ZMYM4: variants seen among roughly 807,000 people sequenced by gnomAD.
ZMYM4 encodes the protein zinc finger MYM-type containing 4, also known as zinc finger MYM-type protein 4.
Under a neutral mutation model 183.2 loss-of-function variants are expected in ZMYM4, and 31 were observed. That is an observed-to-expected ratio of 0.17 (90% confidence interval 0.13 to 0.23). The LOEUF is 0.23. Among genes scored for constraint, ZMYM4 ranks in the 10% least tolerant of loss-of-function variants. The pLI, the probability that ZMYM4 is intolerant of heterozygous loss-of-function variation, is 1.00. For missense variants in ZMYM4, 1,273 were observed against 1,840.3 expected (o/e 0.69, Z 5.64); for synonymous variants, 592 against 631.2 (o/e 0.94, Z 0.93).
chr1:35,345,066 G>A (rs1414420937), intron 2 of ZMYM4, among the ~76,000 whole-genome samples: 1 of 152,124 alleles, frequency 6.6e-6, no homozygotes, highest in Non-Finnish European at 1.5e-5. Flanking sequence ...AAATGTTCTT[G>A]TACACAGTTA....
chr1:35,356,440 C>T (rs138672845), intron 2 of ZMYM4, among the ~76,000 whole-genome samples: 4 of 152,192 alleles, frequency 2.6e-5, no homozygotes, highest in African/African-American at 7.2e-5. Context: ...CATACATCTC[C>T]TAAGATTTTA....
intron 1 of ZMYM4, among the ~76,000 whole-genome samples, chr1:35,277,870 A>G (rs767385940): frequency 6.6e-5 from 10 of 152,146 alleles, no homozygotes; most frequent in Non-Finnish European, 1.5e-4. Flanking sequence ...GAGTTTTACC[A>G]TATGTGATAC....
intron 2 of ZMYM4, among the ~76,000 whole-genome samples, chr1:35,330,562 A>G (rs1347381632): frequency 6.6e-6 from 1 of 152,204 alleles, no homozygotes; most frequent in South Asian, 2.1e-4. Flanking sequence ...CTACCTTCAA[A>G]GAAAGCTGGG....
At position 35,387,070 on chromosome 1, in the gene ZMYM4, T is replaced by C; in HGVS notation, c.1904T>C (p.Val635Ala). 1 of 1,614,242 alleles carries C rather than the reference T, an allele frequency of 6.2e-7. No homozygotes were observed. Among genetic ancestry groups the C allele is most frequent in the Non-Finnish European group, 8.5e-7 (1 of 1,180,034 alleles). Residue 635 changes from valine to alanine, a missense_variant, in exon 12 of 30, where the codon GTA becomes GCA. Around this residue, in one of 6 missense-constraint regions of ZMYM4, gnomAD observed 319 missense variants for 518.1 expected, o/e 0.62. Transcript: ENST00000314607. The part of the protein sequence containing the change: ...VVPLSQGQVI[V>A]SIPTGSTVSA... ...CCCTTGTCTCAGGGCCAAGTAATTG[T>C]AAGCATCCCCACAGGTTCCACAGTG...
At chr1:35,275,983 T>G (rs1487227843) in intron 1 of ZMYM4, among the ~76,000 whole-genome samples, 6 of 152,196 alleles carry the variant, frequency 3.9e-5, no homozygotes, top group Admixed American at 3.3e-4. Flanking sequence ...ATATCATCTT[T>G]CTGGCCTCCT....
In ZMYM4 at chr1:35,405,098, G is replaced by C; in HGVS notation, c.3604G>C (p.Gly1202Arg). 1 of 1,614,060 alleles carries C rather than the reference G, an allele frequency of 6.2e-7. No homozygotes were observed. The highest frequency in any genetic ancestry group is 8.5e-7 in the Non-Finnish European group (1 of 1,179,976). The change falls in exon 24 of 30, where the codon GGG (glycine) becomes CGG (arginine). Residue 1202 changes from glycine (G) to arginine (R), a missense_variant. By Grantham distance (125) the Gly-to-Arg change is moderately radical (BLOSUM62 -2). This residue lies in a region of ZMYM4 where 133 missense variants were observed against 155.7 expected (regional missense o/e 0.85). Transcript: ENST00000314607. The stretch of plus-strand genomic sequence containing the variant: ...AGCCTTTCAAGGCTGCTCAGTGTCC[G>C]GGATGACACTGAAATACATGTATGG... The part of the protein sequence containing the change: ...QGAFQGCSVS[G>R]MTLKYMYGVN...
At chr1:35,392,510 G>T (rs1644728819) in intron 16 of ZMYM4, 137 bp from the exon 17 acceptor site, 2 of 1,274,586 alleles carry the variant, frequency 1.6e-6, no homozygotes, top group Non-Finnish European at 2.2e-6. Context: ...CTTTAGAATT[G>T]CTAGTTTCTT....
rs917315975 is a variant in ZMYM4, at chr1:35,396,737, C to A, written c.3030+67C>A. ...TTTCCTCAATTAAAACTGTATAGTT[C>A]TGTGAAGAAAGTTTTCATTTGTTAG... On this transcript the variant is annotated intron_variant, in intron 19 of 29. Transcript: ENST00000314607. The A allele has an allele frequency of 9.3e-6, 14 of 1,509,142 alleles. No individual in the cohort carries two copies. In the Admixed American group the frequency reaches 2.4e-4, roughly 26 times the overall value. The allele number at this position is 1,509,142 out of a possible 1,614,324, so 93.5% of individuals were successfully genotyped here.
At chr1:35,289,962 T>TTTTTC (rs901259995) in intron 1 of ZMYM4, among the ~76,000 whole-genome samples, 13 of 151,884 alleles carry the variant, frequency 8.6e-5, no homozygotes, top group African/African-American at 2.9e-4. Context: ...TCTTTTCTTT[T>TTTTTC]TTTTCTTTTC....
intron 26 of ZMYM4, among the ~76,000 whole-genome samples, chr1:35,410,213 C>T (rs1639825602): frequency 1.3e-5 from 2 of 152,150 alleles, no homozygotes; most frequent in South Asian, 4.1e-4. Flanking sequence ...CATGAGAGAT[C>T]AGGGCCCCAC....
chr1:35,324,738 A>G (rs1158336724), intron 1 of ZMYM4, among the ~76,000 whole-genome samples: 1 of 152,196 alleles, frequency 6.6e-6, no homozygotes, highest in African/African-American at 2.4e-5. Context: ...AGGAACCTCC[A>G]AAGTAAGGAG....
chr1:35,398,501 A>G (rs776066725), intron 21 of ZMYM4, 35 bp downstream of exon 21: 1 of 1,562,962 alleles, frequency 6.4e-7, no homozygotes, highest in Non-Finnish European at 8.8e-7. Context: ...ATTTTTAGAA[A>G]TACTACCCTC....
At position 35,392,275 on chromosome 1, in the gene ZMYM4, C is replaced by T; in HGVS notation, c.2651C>T (p.Pro884Leu). 1 of 1,614,166 alleles carries T rather than the reference C, an allele frequency of 6.2e-7. No homozygotes were observed. Among genetic ancestry groups the T allele is most frequent in the Non-Finnish European group, 8.5e-7 (1 of 1,180,032 alleles). ...CCATCTCTGAGAAAAGATTCGACTC[C>T]AGTTATAGCCAATGTAGTATCATTG... Reference protein sequence around the residue: ...GPPSLRKDSTPVIANVVSLAS... With the variant: ...GPPSLRKDSTLVIANVVSLAS... The change falls in exon 16 of 30, where the codon CCA becomes CTA. Residue 884 changes from proline (P) to leucine (L), a missense_variant. Coordinates refer to ENST00000314607, the MANE Select transcript of ZMYM4 (RefSeq NM_005095.3).
intron 26 of ZMYM4, among the ~76,000 whole-genome samples, 177 bp from the exon 27 acceptor site, chr1:35,413,795 G>A (rs1640006573): frequency 1.3e-5 from 2 of 152,148 alleles, no homozygotes; most frequent in South Asian, 4.1e-4. Flanking sequence ...AAGAACAGGA[G>A]CTTTAGCTTG....
chr1:35,394,878 C>CTGAG (rs146632070), intron 18 of ZMYM4, among the ~76,000 whole-genome samples: 9,207 of 152,134 alleles, frequency 0.061, 689 homozygotes, highest in African/African-American at 0.17. Flanking sequence ...GTTTGGGAGG[C>CTGAG]TGAGGCAGGA....
At chr1:35,361,532 TCC>T in intron 4 of ZMYM4, 85 bp from the exon 5 acceptor site, 23 of 1,436,980 alleles carry the variant, frequency 1.6e-5, no homozygotes, top group Non-Finnish European at 2.1e-5. Context: ...GTTCTTCATT[TCC>T]AATGAGCTTT....
chr1:35,328,089 A>G (rs1322803731), intron 2 of ZMYM4, among the ~76,000 whole-genome samples: 2 of 152,276 alleles, frequency 1.3e-5, no homozygotes, highest in Non-Finnish European at 2.9e-5. Flanking sequence ...AATCTGATGG[A>G]TTGTTAAAGT....
At chr1:35,336,690 C>A (rs1283342115) in intron 2 of ZMYM4, among the ~76,000 whole-genome samples, 1 of 152,138 alleles carries the variant, frequency 6.6e-6, no homozygotes, top group Non-Finnish European at 1.5e-5. Flanking sequence ...CAGGCATGAG[C>A]CACCACACCC....
chr1:35,352,442 A>G (rs1298462275), intron 2 of ZMYM4, among the ~76,000 whole-genome samples: 2 of 152,108 alleles, frequency 1.3e-5, no homozygotes, highest in Admixed American at 6.6e-5. Flanking sequence ...TCCTAAAAAC[A>G]AAAACCTCTA....
Sources: allele counts gnomAD v4.1 joint callset (sites outside exome capture counted in the v4.1 genomes callset), GRCh38; gene constraint gnomAD v4.1.1; regional missense constraint gnomAD v4.1.1; transcripts MANE v1.5; gene names NCBI Gene and HGNC (gene_info 2026-07-23, HGNC 2026-07-21).